CREB5: variants seen among roughly 807,000 people sequenced by gnomAD.
CREB5 encodes the protein cAMP responsive element binding protein 5.
CREB5 carries 19 observed loss-of-function variants against 57.1 expected under a neutral mutation model. That is an observed-to-expected ratio of 0.33 (90% CI 0.23 to 0.49). The LOEUF (loss-of-function observed/expected upper bound fraction) is 0.49. Among genes scored for constraint, CREB5 ranks in the 20% least tolerant of loss-of-function variants. The pLI is 0.99. For missense variants in CREB5, 579 were observed against 671.6 expected, an observed-to-expected ratio of 0.86 and a Z score of 1.52; for synonymous variants, 238 against 238.3, an observed-to-expected ratio of 1.00 and a Z score of 0.01.
chr7:28,656,203 C>T (rs1799327423), intron 5 of CREB5, among the ~76,000 whole-genome samples: 1 of 152,048 alleles, frequency 6.6e-6, no homozygotes, highest in Non-Finnish European at 1.5e-5. Context: ...TGAACAAAAG[C>T]TAGAATCTAC....
intron 7 of CREB5, among the ~76,000 whole-genome samples, chr7:28,784,732 G>T (rs1426120566): frequency 6.6e-6 from 1 of 152,148 alleles, no homozygotes; most frequent in Non-Finnish European, 1.5e-5. Flanking sequence ...AGGGATGGGG[G>T]TGTGATGTGG....
intron 2 of CREB5, among the ~76,000 whole-genome samples, chr7:28,490,137 T>C (rs1350741922): frequency 6.6e-6 from 1 of 152,234 alleles, no homozygotes; most frequent in African/African-American, 2.4e-5. Context: ...GGGAGCCTAC[T>C]ATGTGTCAGG....
chr7:28,713,867 GT>G (rs1446804762), intron 5 of CREB5, among the ~76,000 whole-genome samples: 1 of 151,800 alleles, frequency 6.6e-6, no homozygotes, highest in Admixed American at 6.6e-5. Flanking sequence ...GAAGCTTTTT[GT>G]TTTTTAATTC....
At chr7:28,577,648 C>T (rs577767692) in intron 5 of CREB5, among the ~76,000 whole-genome samples, 6 of 152,320 alleles carry the variant, frequency 3.9e-5, no homozygotes, top group South Asian at 4.1e-4. Context: ...TCCAGACCAC[C>T]TACTCCATGC....
At chr7:28,512,492 G>C (rs4304241) in intron 4 of CREB5, among the ~76,000 whole-genome samples, 42,353 of 151,942 alleles carry the variant, frequency 0.28, 6,019 homozygotes, top group South Asian at 0.37. Context: ...TGTTGATTTT[G>C]TGTTCCATGT....
At chr7:28,686,045 G>A in intron 5 of CREB5, 3 of 1,329,330 alleles carry the variant, frequency 2.3e-6, no homozygotes, top group Non-Finnish European at 3.2e-6. Flanking sequence ...AGAAGGGCCA[G>A]CACATTACAT....
At chr7:28,613,490 C>A (rs1797477590) in intron 5 of CREB5, among the ~76,000 whole-genome samples, 1 of 152,046 alleles carries the variant, frequency 6.6e-6, no homozygotes, top group Non-Finnish European at 1.5e-5. Flanking sequence ...GTGATTACAC[C>A]CAGAATGAAA....
intron 4 of CREB5, among the ~76,000 whole-genome samples, chr7:28,542,263 C>T (rs755853939): frequency 1.3e-5 from 2 of 152,184 alleles, no homozygotes; most frequent in Non-Finnish European, 2.9e-5. Context: ...GTAGTGAAGC[C>T]AGATTCCAAG....
At chr7:28,662,934 C>A (rs1381218958) in intron 5 of CREB5, among the ~76,000 whole-genome samples, 1 of 151,860 alleles carries the variant, frequency 6.6e-6, no homozygotes, top group Non-Finnish European at 1.5e-5. Flanking sequence ...ATCACGAGGT[C>A]AGGAGTTCGA....
intron 5 of CREB5, among the ~76,000 whole-genome samples, chr7:28,584,328 C>T (rs144808200): frequency 9.2e-5 from 14 of 152,240 alleles, no homozygotes; most frequent in Admixed American, 3.3e-4. Context: ...CTGGCCCCTG[C>T]GGATGGGACC....
intron 4 of CREB5, among the ~76,000 whole-genome samples, chr7:28,527,688 G>A (rs1311055994): frequency 6.6e-6 from 1 of 152,136 alleles, no homozygotes; most frequent in Non-Finnish European, 1.5e-5. Flanking sequence ...AGGCATGGTG[G>A]TGCATGCCTG....
At chr7:28,711,743 T>G (rs955929367) in intron 5 of CREB5, among the ~76,000 whole-genome samples, 1 of 152,216 alleles carries the variant, frequency 6.6e-6, no homozygotes, top group African/African-American at 2.4e-5. Flanking sequence ...CATTTGCCTC[T>G]GTAGAAGGGT....
At chr7:28,572,044 G>T (rs1352968157) in intron 5 of CREB5, among the ~76,000 whole-genome samples, 1 of 152,144 alleles carries the variant, frequency 6.6e-6, no homozygotes, top group Non-Finnish European at 1.5e-5. Context: ...TTGTTTTTCG[G>T]TGTTATAAGA....
At chr7:28,432,604 C>G (rs765749526) in intron 1 of CREB5, among the ~76,000 whole-genome samples, 18 of 152,124 alleles carry the variant, frequency 1.2e-4, no homozygotes, top group Non-Finnish European at 2.1e-4. Flanking sequence ...TAAGTCTTAA[C>G]GCTGGAATTC....
intron 4 of CREB5, among the ~76,000 whole-genome samples, chr7:28,560,885 T>C (rs374408330): frequency 0.061 from 1,605 of 26,430 alleles, 200 homozygotes; most frequent in African/African-American, 0.22. Context: ...CGTGCGTGCG[T>C]GCGTGTGTGT....
intron 5 of CREB5, among the ~76,000 whole-genome samples, chr7:28,682,682 T>TG (rs34179408): frequency 0.11 from 12,402 of 108,870 alleles, 1,239 homozygotes; most frequent in African/African-American, 0.31. Context: ...AACCTAAAAG[T>TG]GGGGGGGGGG....
intron 1 of CREB5, among the ~76,000 whole-genome samples, chr7:28,370,337 A>G (rs984005688): frequency 6.6e-6 from 1 of 152,152 alleles, no homozygotes; most frequent in African/African-American, 2.4e-5. Context: ...TCATTTTGTC[A>G]TTTGTAAAGT....
At chr7:28,684,564 A>G (rs988607735) in intron 5 of CREB5, among the ~76,000 whole-genome samples, 3 of 152,298 alleles carry the variant, frequency 2.0e-5, no homozygotes, top group African/African-American at 7.2e-5. Flanking sequence ...CCTGACCTCC[A>G]TCAGTGGACG....
chr7:28,570,927 T>C (rs890868997), intron 5 of CREB5, among the ~76,000 whole-genome samples: 1 of 152,044 alleles, frequency 6.6e-6, no homozygotes, highest in African/African-American at 2.4e-5. Context: ...CTTCCCTTCC[T>C]GGGAGCTGCC....
Sources: allele counts gnomAD v4.1 joint callset (sites outside exome capture counted in the v4.1 genomes callset), GRCh38; gene constraint gnomAD v4.1.1; transcripts MANE v1.5; gene names NCBI Gene and HGNC (gene_info 2026-07-23, HGNC 2026-07-21).